SLC24A3: variants seen among roughly 807,000 people sequenced by gnomAD.
SLC24A3 encodes sodium/potassium/calcium exchanger 3.
A neutral mutation model predicts 75.8 loss-of-function variants in SLC24A3; 28 were observed. The observed-to-expected ratio is 0.37, with a 90% CI of 0.27 to 0.51. The LOEUF is 0.51. SLC24A3 is among the 20% of genes least tolerant of loss of function. The probability of loss-of-function intolerance (pLI) is 0.94; values close to 1 mark genes in which losing one functional copy is unlikely to be tolerated. For missense variants in SLC24A3, 663 were observed against 847.8 expected (o/e 0.78, Z 2.71); for synonymous variants, 372 against 334.1 (o/e 1.11, Z -1.24).
At chr20:19,682,118 G>A in intron 10 of SLC24A3, 127 bp downstream of exon 10, 1 of 1,087,434 alleles carries the variant, frequency 9.2e-7, no homozygotes, top group East Asian at 2.6e-5. Context: ...AACCAGGAGT[G>A]GTGGCCCAAG....
chr20:19,581,377 CA>C (rs2031216421), intron 4 of SLC24A3, among the ~76,000 whole-genome samples: 1 of 152,098 alleles, frequency 6.6e-6, no homozygotes, highest in Admixed American at 6.5e-5. Context: ...GTGTGAATAT[CA>C]AAATTATATT....
intron 2 of SLC24A3, among the ~76,000 whole-genome samples, chr20:19,333,136 C>T (rs549824817): frequency 6.6e-6 from 1 of 152,300 alleles, no homozygotes; most frequent in East Asian, 1.9e-4. Context: ...AAACCCTTCA[C>T]ACTTCAAGCC....
At chr20:19,430,734 G>A (rs1167685907) in intron 2 of SLC24A3, among the ~76,000 whole-genome samples, 2 of 152,012 alleles carry the variant, frequency 1.3e-5, no homozygotes, top group Non-Finnish European at 2.9e-5. Context: ...ACAGGCCCAT[G>A]CACAAGCACA....
intron 6 of SLC24A3, among the ~76,000 whole-genome samples, chr20:19,637,603 ACTG>A (rs981338440): frequency 4.6e-5 from 7 of 152,348 alleles, no homozygotes; most frequent in African/African-American, 1.7e-4. Context: ...TAATAATATA[ACTG>A]CTATTTATCG....
At chr20:19,617,929 G>A (rs1015805511) in intron 6 of SLC24A3, among the ~76,000 whole-genome samples, 1 of 152,076 alleles carries the variant, frequency 6.6e-6, no homozygotes, top group African/African-American at 2.4e-5. Flanking sequence ...ATCCTGGGGA[G>A]CTTAAAAACT....
intron 3 of SLC24A3, among the ~76,000 whole-genome samples, chr20:19,532,232 T>C (rs1002884098): frequency 5.9e-5 from 9 of 152,234 alleles, no homozygotes; most frequent in African/African-American, 2.2e-4. Flanking sequence ...ACAAGGACTA[T>C]GGCTCTGCCC....
chr20:19,651,715 G>T (rs1245197624), intron 6 of SLC24A3, among the ~76,000 whole-genome samples: 2 of 151,952 alleles, frequency 1.3e-5, no homozygotes, highest in African/African-American at 4.8e-5. Context: ...AAAAAAATTT[G>T]CCAGGCGTGG....
chr20:19,369,921 G>A (rs1985963445), intron 2 of SLC24A3, among the ~76,000 whole-genome samples: 1 of 152,014 alleles, frequency 6.6e-6, no homozygotes, highest in Admixed American at 6.6e-5. Flanking sequence ...TCCCACTTCG[G>A]CCTCTCAAAG....
chr20:19,496,760 G>A (rs1988295428), intron 2 of SLC24A3, among the ~76,000 whole-genome samples: 1 of 152,210 alleles, frequency 6.6e-6, no homozygotes, highest in Non-Finnish European at 1.5e-5. Context: ...CCGAGCCCTG[G>A]GTGCTGGCTC....
chr20:19,651,505 A>G (rs2032202567), intron 6 of SLC24A3, among the ~76,000 whole-genome samples: 1 of 151,138 alleles, frequency 6.6e-6, no homozygotes, highest in Admixed American at 6.6e-5. Flanking sequence ...GCTTTGATGT[A>G]TGTCTTGTTT....
At chr20:19,603,052 C>A (rs907015477) in intron 6 of SLC24A3, among the ~76,000 whole-genome samples, 1 of 152,206 alleles carries the variant, frequency 6.6e-6, no homozygotes, top group Non-Finnish European at 1.5e-5. Context: ...GGAATTGTCA[C>A]CCTGTTTAAA....
At chr20:19,671,128 T>C (rs1247484411) in intron 8 of SLC24A3, among the ~76,000 whole-genome samples, 5 of 152,072 alleles carry the variant, frequency 3.3e-5, no homozygotes, top group African/African-American at 7.2e-5. Flanking sequence ...GGAAGATTGC[T>C]TGGAGGAGGT....
intron 3 of SLC24A3, among the ~76,000 whole-genome samples, chr20:19,541,241 A>G (rs1293919874): frequency 6.6e-6 from 1 of 152,226 alleles, no homozygotes; most frequent in East Asian, 1.9e-4. Flanking sequence ...AGTAATGGTA[A>G]TAACAAGGAT....
rs756645583 is a variant in SLC24A3 at position 19,369,698 on chromosome 20, A to T, written c.271+88611A>T. ...CCTTGTGAATTTCCATTTTTTGATA[A>T]TTTCACAGTGATTATGAAATAGAAT... On this transcript the variant is annotated intron_variant, in intron 2 of 16. Coordinates refer to ENST00000328041, the MANE Select transcript of SLC24A3 (RefSeq NM_020689.4). Among the ~76,000 whole-genome samples the T allele has an allele frequency of 1.2e-4, 19 of 152,122 alleles. No homozygotes were observed. In the South Asian group the frequency reaches 1.7e-3, roughly 13 times the overall value.
intron 1 of SLC24A3, among the ~76,000 whole-genome samples, chr20:19,223,620 A>C (rs935193381): frequency 2.0e-5 from 3 of 152,216 alleles, no homozygotes; most frequent in Non-Finnish European, 4.4e-5. Flanking sequence ...AATAACTAAC[A>C]ATAAAATAGA....
intron 6 of SLC24A3, among the ~76,000 whole-genome samples, chr20:19,597,190 C>T (rs1038986856): frequency 6.6e-5 from 10 of 152,160 alleles, no homozygotes; most frequent in East Asian, 1.9e-4. Context: ...CCACAACGAA[C>T]GGCCTGGGCA....
At chr20:19,280,899 G>A (rs113914754) in intron 1 of SLC24A3, 60 bp from the exon 2 acceptor site, 171 of 1,574,456 alleles carry the variant, frequency 1.1e-4, no homozygotes, top group Non-Finnish European at 1.4e-4. Flanking sequence ...GGCATGCAGC[G>A]TCGGCAGAGG....
chr20:19,234,010 A>ATTT (rs1982097978), intron 1 of SLC24A3, among the ~76,000 whole-genome samples: 1 of 152,236 alleles, frequency 6.6e-6, no homozygotes, highest in South Asian at 2.1e-4. Context: ...TAGCCAGAGT[A>ATTT]ATATGGTTTT....
intron 15 of SLC24A3, among the ~76,000 whole-genome samples, chr20:19,700,926 T>G (rs1034173156): frequency 2.0e-5 from 3 of 152,236 alleles, no homozygotes; most frequent in Admixed American, 2.0e-4. Flanking sequence ...AAATCTATAC[T>G]TTTCAAGTTA....
Sources: allele counts gnomAD v4.1 joint callset (sites outside exome capture counted in the v4.1 genomes callset), GRCh38; gene constraint gnomAD v4.1.1; transcripts MANE v1.5; gene names NCBI Gene and HGNC (gene_info 2026-07-23, HGNC 2026-07-21).